The following ZNF517 variants were observed in gnomAD, a reference collection of about 807,000 sequenced individuals.
ZNF517 encodes the protein zinc finger protein 517.
In ZNF517, 12 loss-of-function variants were observed where a neutral mutation model predicts 12.1. The ratio of observed to expected loss-of-function variants is 0.99; its 90% CI spans 0.63 to 1.61. ZNF517 has a LOEUF of 1.61. Among genes scored for constraint, ZNF517 ranks in the 40% most tolerant of loss-of-function variants. The pLI is 0.00. For missense variants in ZNF517, 781 were observed against 693.2 expected, an observed-to-expected ratio of 1.13 and a Z score of -1.42; for synonymous variants, 388 against 310.2, an observed-to-expected ratio of 1.25 and a Z score of -2.63.
chr8:144,810,276 G>A (rs1401524795), downstream of ZNF517: 2 of 602,530 alleles, frequency 3.3e-6, no homozygotes, highest in Middle Eastern at 5.1e-4. Context: ...AGGTGAGGGG[G>A]GATTGAGTTA....
intron 1 of ZNF517, 125 bp from the exon 2 acceptor site, chr8:144,802,745 C>T (rs1827028872): frequency 8.5e-6 from 12 of 1,417,680 alleles, no homozygotes; most frequent in South Asian, 4.7e-5. Flanking sequence ...GTGAAGGAGG[C>T]GGCTGATGTG....
In ZNF517 at chr8:144,807,906, C is replaced by G; in HGVS notation, c.990C>G (p.Ser330=). The change falls in exon 5 of 5, where the codon TCC becomes TCG. Residue 330 remains serine, a synonymous_variant. Transcript: ENST00000359971. ...LRCGQRFIRG[S]SLLKHHRLHA... ...GTGGGCAGCGCTTCATCCGAGGGTCCTCGCTCCTGAAGCACCACCGGCTGC... is the reference window on the plus strand; with the variant it reads ...GTGGGCAGCGCTTCATCCGAGGGTCGTCGCTCCTGAAGCACCACCGGCTGC... 3.3e-6 allele frequency: 5 copies of G among 1,531,394 alleles called. No homozygotes were observed. Among genetic ancestry groups the G allele is most frequent in the Non-Finnish European group, 4.4e-6 (5 of 1,143,826 alleles). The allele number at this position is 1,531,394 out of a possible 1,614,324, so 94.9% of individuals were successfully genotyped here.
intron 1 of ZNF517, among the ~76,000 whole-genome samples, chr8:144,799,367 C>G (rs1208967829): frequency 6.6e-6 from 1 of 152,176 alleles, no homozygotes; most frequent in Non-Finnish European, 1.5e-5. Context: ...GCCCCCTCCC[C>G]GGGTTGGGGC....
At chr8:144,804,060 C>T (rs1827103286) in intron 3 of ZNF517, 65 bp from the exon 4 acceptor site, 3 of 1,499,366 alleles carry the variant, frequency 2.0e-6, no homozygotes, top group Non-Finnish European at 2.7e-6. Flanking sequence ...GGCCTCCAGC[C>T]AGGCACCTGG....
In ZNF517 at chr8:144,807,595, C is replaced by A. The variant is rs1471141059; in HGVS notation, c.679C>A (p.His227Asn). ...SSILLRHQLI[H>N]TEEKPFQCGE... ...CATCCTGCTGCGGCACCAGCTGATC[C>A]ACACTGAGGAGAAGCCGTTCCAGTG... The change falls in exon 5 of 5, where the codon CAC becomes AAC. Residue 227 changes from histidine (H) to asparagine (N), a missense_variant. By Grantham distance (68) the His-to-Asn change is moderately conservative. Coordinates refer to ENST00000359971, the MANE Select transcript of ZNF517 (RefSeq NM_213605.3). 1 of 1,606,388 alleles carries A rather than the reference C, an allele frequency of 6.2e-7. No individual in the cohort carries two copies. Among genetic ancestry groups the A allele is most frequent in the Non-Finnish European group, 8.5e-7 (1 of 1,177,022 alleles).
chr8:144,809,898 C>T lies in ZNF517; in HGVS notation c.*1503C>T, dbSNP rs1279633456. The T allele has an allele frequency of 2.8e-6, 1 of 358,828 alleles. No homozygotes were observed. The highest frequency in any genetic ancestry group is 4.2e-5 in the East Asian group (1 of 23,590). 22.2% of individuals were successfully genotyped at this position (358,828 alleles called of 1,614,324 possible). The stretch of plus-strand genomic sequence containing the variant: ...GAGACCCCCGTCTCTACTAAAAGTA[C>T]AAAAAGTAGCTGGGTGTGGTGCTGG... On this transcript the variant is annotated 3_prime_UTR_variant, in exon 5 of 5. Coordinates refer to ENST00000359971, the MANE Select transcript of ZNF517 (RefSeq NM_213605.3).
rs1490612195 is a variant in ZNF517, at chr8:144,803,994, C to T, written c.161-131C>T. The T allele has an allele frequency of 8.2e-6, 9 of 1,090,942 alleles. 1 individual carries two copies. Among genetic ancestry groups the T allele is most frequent in the East Asian group, 2.6e-5 (1 of 38,858 alleles). 67.6% of individuals were successfully genotyped at this position (1,090,942 alleles called of 1,614,324 possible). A position where few individuals can be genotyped will look rare whatever the true frequency, so the allele number is the denominator to read the frequency against. Reference sequence around the variant, plus strand: ...CCATCTCCCCCTGGCCACCTAGCTGCCCCCTTCTGGGATAGTGAATGTTCC... The same window carrying T: ...CCATCTCCCCCTGGCCACCTAGCTGTCCCCTTCTGGGATAGTGAATGTTCC... On this transcript the variant is annotated intron_variant, in intron 3 of 4. Transcript: ENST00000359971.
At chr8:144,800,674 C>T (rs1460024756) in intron 1 of ZNF517, 3 of 985,260 alleles carry the variant, frequency 3.0e-6, no homozygotes, top group Admixed American at 6.2e-5. Context: ...TGTGGCCCTG[C>T]TCTTCCATGC....
chr8:144,809,889 CT>C lies in ZNF517; in HGVS notation c.*1495del. On this transcript the variant is annotated 3_prime_UTR_variant, in exon 5 of 5. Transcript: ENST00000359971. The stretch of plus-strand genomic sequence containing the variant: ...CAACATGGTGAGACCCCCGTCTCTA[CT>C]AAAAGTACAAAAAGTAGCTGGGTGT... The C allele has an allele frequency of 5.9e-6, 2 of 338,712 alleles. No homozygotes were observed. The highest frequency in any genetic ancestry group is 1.1e-5 in the Non-Finnish European group (2 of 186,842). The allele number at this position is 338,712 out of a possible 1,614,324, so 21.0% of individuals were successfully genotyped here.
In ZNF517 at chr8:144,807,926, G is replaced by A. The variant is rs371119212; in HGVS notation, c.1010G>A (p.Arg337Gln). The change falls in exon 5 of 5, where the codon CGG (arginine) becomes CAG (glutamine). Residue 337 changes from arginine (R) to glutamine (Q), a missense_variant. Arg to Gln is a conservative substitution (Grantham distance 43). Transcript: ENST00000359971. ...GGGTCCTCGCTCCTGAAGCACCACC[G>A]GCTGCACGCGCAGGAGGGTGCCCAG... Reference protein sequence around the residue: ...IRGSSLLKHHRLHAQEGAQDG... With the variant: ...IRGSSLLKHHQLHAQEGAQDG... 256 of 1,512,776 alleles carry A rather than the reference G, an allele frequency of 1.7e-4. 1 individual carries two copies. Among genetic ancestry groups the A allele is most frequent in the Non-Finnish European group, 2.1e-4 (234 of 1,134,444 alleles). 93.7% of individuals were successfully genotyped at this position (1,512,776 alleles called of 1,614,324 possible).
chr8:144,803,974 T>TC, intron 3 of ZNF517, 151 bp from the exon 4 acceptor site: 2 of 1,055,558 alleles, frequency 1.9e-6, no homozygotes, highest in Non-Finnish European at 2.7e-6. Context: ...GCCCCCCATC[T>TC]CCCCCTGGCC....
chr8:144,804,867 CTTT>C (rs1318238203), intron 4 of ZNF517, among the ~76,000 whole-genome samples: 1 of 152,216 alleles, frequency 6.6e-6, no homozygotes, highest in Admixed American at 6.5e-5. Context: ...ACTTTTAGTA[CTTT>C]CACTAATTCT....
downstream of ZNF517, among the ~76,000 whole-genome samples, chr8:144,812,059 G>A (rs548144151): frequency 1.3e-3 from 189 of 142,032 alleles, no homozygotes; most frequent in African/African-American, 4.8e-3. Flanking sequence ...CTGCAGAATG[G>A]AAGCAAAGGC....
downstream of ZNF517, among the ~76,000 whole-genome samples, chr8:144,812,945 A>G (rs1338406910): frequency 6.6e-6 from 1 of 152,156 alleles, no homozygotes; most frequent in Non-Finnish European, 1.5e-5. Context: ...ATTTCTACAT[A>G]CCAAACTACC....
rs1343697423 is a variant in ZNF517 at position 144,808,467 on chromosome 8, C to G, written c.*72C>G. 10 of 1,416,302 alleles carry G rather than the reference C, an allele frequency of 7.1e-6. No individual in the cohort carries two copies. Among genetic ancestry groups the G allele is most frequent in the Non-Finnish European group, 9.2e-6 (10 of 1,085,118 alleles). 87.7% of individuals were successfully genotyped at this position (1,416,302 alleles called of 1,614,324 possible). On this transcript the variant is annotated 3_prime_UTR_variant, in exon 5 of 5. Transcript: ENST00000359971. ...CCGGCGGGGCCCTAGCGCAGAAATT[C>G]AGAACCCCCTGTCCTGAAGGTGAAG...
In ZNF517 at chr8:144,808,413, C is replaced by T. The variant is rs755844427; in HGVS notation, c.*18C>T. ...CTTCCTGATGACGGGGACGACAGGC[C>T]GAGGATTCACGCTGGAAGCCCACCC... On this transcript the variant is annotated 3_prime_UTR_variant, in exon 5 of 5. Transcript: ENST00000359971. The T allele has an allele frequency of 5.5e-6, 8 of 1,445,796 alleles. No homozygotes were observed. In the South Asian group the frequency reaches 7.5e-5, roughly 14 times the overall value. The allele number at this position is 1,445,796 out of a possible 1,614,324, so 89.6% of individuals were successfully genotyped here.
At chr8:144,806,005 C>T (rs113617319) in intron 4 of ZNF517, among the ~76,000 whole-genome samples, 10 of 152,088 alleles carry the variant, frequency 6.6e-5, no homozygotes, top group African/African-American at 1.7e-4. Flanking sequence ...TATCTATAAT[C>T]TCTTTCTAGT....
At chr8:144,803,419 C>T in intron 2 of ZNF517, 1 of 572,984 alleles carries the variant, frequency 1.7e-6, no homozygotes, top group Non-Finnish European at 3.0e-6. Flanking sequence ...AAATCTCTCT[C>T]CCTCCCCCAA....
In ZNF517 at chr8:144,807,879, G is replaced by C. The variant is rs774424539; in HGVS notation, c.963G>C (p.Arg321=). ...GGGAGCGGCCCTACCGGTGCCTGCG[G>C]TGTGGGCAGCGCTTCATCCGAGGGT... ...HSGERPYRCL[R]CGQRFIRGSS... Residue 321 remains arginine, a synonymous_variant, in exon 5 of 5, where the codon CGG becomes CGC. Transcript: ENST00000359971. The C allele has an allele frequency of 5.8e-6, 9 of 1,562,614 alleles. No homozygotes were observed. Among genetic ancestry groups the C allele is most frequent in the Non-Finnish European group, 7.8e-6 (9 of 1,156,628 alleles).
Sources: allele counts gnomAD v4.1 joint callset (sites outside exome capture counted in the v4.1 genomes callset), GRCh38; gene constraint gnomAD v4.1.1; transcripts MANE v1.5; gene names NCBI Gene and HGNC (gene_info 2026-07-23, HGNC 2026-07-21).